The following USP10 variants were observed in gnomAD, a reference collection of about 807,000 sequenced individuals.
USP10 encodes ubiquitin specific peptidase 10.
USP10 carries 22 observed loss-of-function variants against 84.5 expected under a neutral mutation model. The ratio of observed to expected loss-of-function variants is 0.26; its 90% CI spans 0.19 to 0.37. The LOEUF is 0.37. USP10 is among the 10% of genes least tolerant of loss of function. The pLI, the probability that USP10 is intolerant of heterozygous loss-of-function variation, is 1.00. For synonymous variants in USP10, 454 were observed against 387.6 expected, an observed-to-expected ratio of 1.17 and a Z score of -2.01; for missense variants, 1,019 against 998.9, an observed-to-expected ratio of 1.02 and a Z score of -0.27.
At chr16:84,737,242 G>A (rs1910055486) in intron 2 of USP10, among the ~76,000 whole-genome samples, 1 of 152,230 alleles carries the variant, frequency 6.6e-6, no homozygotes, top group South Asian at 2.1e-4. Context: ...CAAGGCCGCA[G>A]CACTGTTTTC....
intron 1 of USP10, among the ~76,000 whole-genome samples, chr16:84,722,127 A>G (rs1567600345): frequency 1.3e-5 from 2 of 152,208 alleles, no homozygotes; most frequent in African/African-American, 2.4e-5. Context: ...CCAGGCAGCT[A>G]GTGGTCTGCT....
chr16:84,710,684 T>C (rs1452520808), intron 1 of USP10, among the ~76,000 whole-genome samples: 1 of 152,242 alleles, frequency 6.6e-6, no homozygotes, highest in African/African-American at 2.4e-5. Context: ...CTTTTGGTAG[T>C]AAACTTTAGA....
At chr16:84,739,717 C>A (rs1292993991) in intron 2 of USP10, among the ~76,000 whole-genome samples, 1 of 152,168 alleles carries the variant, frequency 6.6e-6, no homozygotes, top group Non-Finnish European at 1.5e-5. Context: ...TCAGACAGTT[C>A]CCATTCTGCT....
Position 84,745,152 on chromosome 16 carries a change from C to G in USP10, c.671C>G (p.Pro224Arg). 1 of 1,613,474 alleles carries G rather than the reference C, an allele frequency of 6.2e-7. No individual in the cohort carries two copies. Among genetic ancestry groups the G allele is most frequent in the Non-Finnish European group, 8.5e-7 (1 of 1,179,700 alleles). Residue 224 changes from proline (P) to arginine (R), a missense_variant, in exon 4 of 14, where the codon CCT becomes CGT. Transcript: ENST00000219473. ...NSTDSVSDIVPDSPFPGALGS... is the reference protein window; with the variant it reads ...NSTDSVSDIVRDSPFPGALGS... ...ACAGACTCTGTCAGTGACATTGTGCCTGACAGTCCTTTCCCCGGAGCACTC... is the reference window on the plus strand; with the variant it reads ...ACAGACTCTGTCAGTGACATTGTGCGTGACAGTCCTTTCCCCGGAGCACTC...
intron 1 of USP10, among the ~76,000 whole-genome samples, chr16:84,730,720 T>C (rs1909104031): frequency 6.6e-6 from 1 of 152,194 alleles, no homozygotes; most frequent in African/African-American, 2.4e-5. Flanking sequence ...GTAGTGTTCT[T>C]ACTGGATTGA....
At chr16:84,721,919 A>G (rs1907867070) in intron 1 of USP10, among the ~76,000 whole-genome samples, 1 of 152,072 alleles carries the variant, frequency 6.6e-6, no homozygotes, top group Admixed American at 6.5e-5. Context: ...GCTGATCTTG[A>G]ACTCCTCTCA....
chr16:84,776,686 A>G (rs994004280), intron 13 of USP10, among the ~76,000 whole-genome samples: 3 of 152,130 alleles, frequency 2.0e-5, no homozygotes, highest in Non-Finnish European at 4.4e-5. Flanking sequence ...GGCAGGGGCT[A>G]GGGATTGCTC....
intron 10 of USP10, among the ~76,000 whole-genome samples, chr16:84,766,395 CTG>C (rs1913865781): frequency 6.6e-6 from 1 of 152,238 alleles, no homozygotes; most frequent in Admixed American, 6.5e-5. Context: ...TGACCACTGT[CTG>C]TGGTTCCTTG....
intron 1 of USP10, chr16:84,716,547 C>T (rs994739842): frequency 6.6e-6 from 1 of 152,130 alleles, no homozygotes; most frequent in Admixed American, 6.5e-5. Flanking sequence ...GAAATATGAA[C>T]AGTGCTTTGG....
intron 13 of USP10, among the ~76,000 whole-genome samples, chr16:84,775,456 C>A (rs1914906734): frequency 6.6e-6 from 1 of 152,212 alleles, no homozygotes; most frequent in South Asian, 2.1e-4. Context: ...TCAAAGCGAA[C>A]ATTTCTGTCT....
At chr16:84,736,419 G>C (rs1680963644) in intron 2 of USP10, among the ~76,000 whole-genome samples, 1 of 152,212 alleles carries the variant, frequency 6.6e-6, no homozygotes, top group African/African-American at 2.4e-5. Flanking sequence ...GCTTGCCACT[G>C]GCAAGATAAG....
intron 2 of USP10, among the ~76,000 whole-genome samples, chr16:84,737,275 A>G (rs1483540020): frequency 6.6e-6 from 1 of 152,236 alleles, no homozygotes; most frequent in Admixed American, 6.5e-5. Context: ...TAGCATAACT[A>G]TTAATAGATG....
At chr16:84,746,513 T>C (rs1911246116) in intron 4 of USP10, among the ~76,000 whole-genome samples, 1 of 152,214 alleles carries the variant, frequency 6.6e-6, no homozygotes, top group Non-Finnish European at 1.5e-5. Context: ...TAGGCAGTTG[T>C]AACACAGTGC....
At chr16:84,712,919 A>G (rs552630185) in intron 1 of USP10, among the ~76,000 whole-genome samples, 1 of 152,236 alleles carries the variant, frequency 6.6e-6, no homozygotes, top group Non-Finnish European at 1.5e-5. Flanking sequence ...CAGAGTTACC[A>G]GCAAGTGCTT....
intron 1 of USP10, among the ~76,000 whole-genome samples, chr16:84,708,418 T>G (rs1332404046): frequency 6.6e-6 from 1 of 152,176 alleles, no homozygotes; most frequent in African/African-American, 2.4e-5. Context: ...GCCACTTCAC[T>G]CCAGCCTGGA....
chr16:84,700,920 C>G (rs756961300), intron 1 of USP10, among the ~76,000 whole-genome samples: 53 of 152,054 alleles, frequency 3.5e-4, no homozygotes, highest in Non-Finnish European at 6.5e-4. Flanking sequence ...TCTTCTCCCC[C>G]CTCCGCCATT....
chr16:84,759,293 C>T (rs1476081082), intron 5 of USP10, 70 bp from the exon 6 acceptor site: 41 of 1,396,492 alleles, frequency 2.9e-5, no homozygotes, highest in Non-Finnish European at 4.1e-5. Context: ...CATTCTTGTG[C>T]TTCATGTGCC....
chr16:84,715,720 A>G (rs1474343816), intron 1 of USP10, among the ~76,000 whole-genome samples: 1 of 152,178 alleles, frequency 6.6e-6, no homozygotes, highest in Non-Finnish European at 1.5e-5. Flanking sequence ...TGGCTCATGT[A>G]ACTAGAAATT....
At chr16:84,753,549 G>C (rs1912180384) in intron 4 of USP10, among the ~76,000 whole-genome samples, 1 of 152,170 alleles carries the variant, frequency 6.6e-6, no homozygotes. Context: ...CTCCTTACCT[G>C]TTCCAGGTGC....
Sources: allele counts gnomAD v4.1 joint callset (sites outside exome capture counted in the v4.1 genomes callset), GRCh38; gene constraint gnomAD v4.1.1; transcripts MANE v1.5; gene names NCBI Gene and HGNC (gene_info 2026-07-23, HGNC 2026-07-21).